Variants in KREMEN1 observed in about 807,000 individuals in gnomAD.
KREMEN1 encodes the protein kringle containing transmembrane protein 1.
KREMEN1 carries 30 observed loss-of-function variants against 46.5 expected under a neutral mutation model. The observed-to-expected ratio is 0.65, with a 90% CI of 0.48 to 0.88. The LOEUF (loss-of-function observed/expected upper bound fraction) is 0.88, where lower values mean the gene tolerates loss of function less well. Ranked by LOEUF, KREMEN1 falls within the 40% of genes least tolerant of loss-of-function variation. The pLI is 0.00. For missense variants in KREMEN1, 533 were observed against 596.9 expected (o/e 0.89, Z 1.11); for synonymous variants, 214 against 230.6 (o/e 0.93, Z 0.65).
Position 29,143,897 on chromosome 22 carries a change from T to C in KREMEN1, c.*1785T>C, listed in dbSNP as rs2038810754. The C allele has an allele frequency of 9.1e-6, 9 of 985,478 alleles. No individual in the cohort carries two copies. Among genetic ancestry groups the C allele is most frequent in the Non-Finnish European group, 1.1e-5 (9 of 829,984 alleles). 61.0% of individuals were successfully genotyped at this position (985,478 alleles called of 1,614,324 possible). ...AGATAGGGAGGTGGGCTGCAGAGATTGGTGCCAGAAGAGGGTGGGTTTGGG... is the reference window on the plus strand; with the variant it reads ...AGATAGGGAGGTGGGCTGCAGAGATCGGTGCCAGAAGAGGGTGGGTTTGGG... On this transcript the variant is annotated 3_prime_UTR_variant, in exon 9 of 9. Coordinates refer to ENST00000400335, the MANE Select transcript of KREMEN1 (RefSeq NM_001039570.3).
intron 3 of KREMEN1, among the ~76,000 whole-genome samples, chr22:29,102,390 A>T (rs1254282223): frequency 6.6e-6 from 1 of 152,246 alleles, no homozygotes; most frequent in Non-Finnish European, 1.5e-5. Context: ...TCAAATTTTT[A>T]AAATGAAAAA....
intron 1 of KREMEN1, among the ~76,000 whole-genome samples, chr22:29,078,482 GAA>G (rs770244857): frequency 4.5e-5 from 4 of 89,426 alleles, no homozygotes; most frequent in Non-Finnish European, 4.7e-5. Context: ...AAACAGCCAG[GAA>G]AAAAAAAAAA....
intron 4 of KREMEN1, chr22:29,125,047 T>A: frequency 1.8e-6 from 1 of 546,224 alleles, no homozygotes; most frequent in East Asian, 3.0e-5. Flanking sequence ...CATTAAAAAG[T>A]GATGCTCGCC....
chr22:29,136,584 A>G (rs2038661479), intron 5 of KREMEN1, among the ~76,000 whole-genome samples: 1 of 151,562 alleles, frequency 6.6e-6, no homozygotes. Context: ...CAAAAAAAAA[A>G]AAAAATAGAA....
At chr22:29,135,681 G>A (rs1188277925) in intron 5 of KREMEN1, among the ~76,000 whole-genome samples, 1 of 152,162 alleles carries the variant, frequency 6.6e-6, no homozygotes, top group African/African-American at 2.4e-5. Flanking sequence ...ACTCCCAGTT[G>A]CCCTAAGCTG....
chr22:29,157,156 G>A (rs1453218974), intron 9 of KREMEN1, among the ~76,000 whole-genome samples: 7 of 152,026 alleles, frequency 4.6e-5, no homozygotes, highest in East Asian at 3.9e-4. Context: ...CAGAGGAGCC[G>A]ACCTGTGGGG....
intron 4 of KREMEN1, among the ~76,000 whole-genome samples, chr22:29,124,947 A>C (rs763619857): frequency 2.6e-5 from 4 of 152,262 alleles, no homozygotes; most frequent in African/African-American, 9.6e-5. Context: ...CATAGTAAAC[A>C]GTCAATAAAA....
At chr22:29,124,110 A>C (rs1246370445) in intron 4 of KREMEN1, among the ~76,000 whole-genome samples, 2 of 152,190 alleles carry the variant, frequency 1.3e-5, no homozygotes, top group African/African-American at 4.8e-5. Context: ...TATTCACATA[A>C]AAATCAGTAC....
In KREMEN1 at chr22:29,125,335, G is replaced by A; in HGVS notation, c.550G>A (p.Ala184Thr). ...TGATTACTGGAAGTACGGGGAGGCAGCCAGTACCGAATGCAACAGCGTCTG... is the reference window on the plus strand; with the variant it reads ...TGATTACTGGAAGTACGGGGAGGCAACCAGTACCGAATGCAACAGCGTCTG... Reference protein sequence around the residue: ...NPDYWKYGEAASTECNSVCFG... With the variant: ...NPDYWKYGEATSTECNSVCFG... Residue 184 changes from alanine (A) to threonine (T), a missense_variant, in exon 5 of 9, where the codon GCC (alanine) becomes ACC (threonine). Ala to Thr is a moderately conservative substitution (Grantham distance 58). Transcript: ENST00000400335. The A allele has an allele frequency of 1.9e-6, 3 of 1,614,166 alleles. No individual in the cohort carries two copies. Among genetic ancestry groups the A allele is most frequent in the Non-Finnish European group, 2.5e-6 (3 of 1,179,996 alleles).
intron 1 of KREMEN1, among the ~76,000 whole-genome samples, chr22:29,087,000 T>C (rs532296091): frequency 6.6e-6 from 1 of 152,240 alleles, no homozygotes; most frequent in Non-Finnish European, 1.5e-5. Flanking sequence ...TGGGCTCAAG[T>C]GATCCTCTTG....
downstream of KREMEN1, among the ~76,000 whole-genome samples, chr22:29,150,558 A>G (rs974502624): frequency 6.6e-6 from 1 of 152,182 alleles, no homozygotes; most frequent in African/African-American, 2.4e-5. Context: ...AGGTCACTGA[A>G]CTTTTAAAAA....
chr22:29,131,540 A>C lies in KREMEN1; in HGVS notation c.632-5802A>C, dbSNP rs1255053217. ...ATTCTGTTCATATATATATATATAT[A>C]TATATATATATATATATATATGTGT... is the stretch of plus-strand genomic sequence containing the variant. On this transcript the variant is annotated intron_variant, in intron 5 of 8. Coordinates refer to ENST00000400335, the MANE Select transcript of KREMEN1 (RefSeq NM_001039570.3). 5.7e-3 allele frequency among the ~76,000 whole-genome samples: 332 copies of C among 57,824 alleles called. 6 individuals are homozygous for C. The highest frequency in any genetic ancestry group is 0.014 in the African/African-American group (158 of 11,290). 37.9% of individuals were successfully genotyped at this position (57,824 alleles called of 152,430 possible). A position where few individuals can be genotyped will look rare whatever the true frequency, so the allele number is the denominator to read the frequency against.
intron 5 of KREMEN1, among the ~76,000 whole-genome samples, chr22:29,127,117 C>A (rs562468107): frequency 2.0e-5 from 3 of 152,182 alleles, no homozygotes; most frequent in African/African-American, 7.2e-5. Flanking sequence ...TTCTTGAGTA[C>A]CTAGTATGCA....
chr22:29,132,299 A>G (rs1257578369), intron 5 of KREMEN1, among the ~76,000 whole-genome samples: 2 of 152,182 alleles, frequency 1.3e-5, no homozygotes, highest in Admixed American at 6.5e-5. Context: ...ATTGACAAAC[A>G]TTGGTCTGTC....
chr22:29,134,340 A>G (rs902584847), intron 5 of KREMEN1, among the ~76,000 whole-genome samples: 6 of 151,938 alleles, frequency 3.9e-5, no homozygotes, highest in Non-Finnish European at 5.9e-5. Flanking sequence ...AAATTTTTGT[A>G]GAGATGGGGT....
intron 2 of KREMEN1, 136 bp downstream of exon 2, chr22:29,094,556 T>C: frequency 1.7e-6 from 1 of 587,712 alleles, no homozygotes. Flanking sequence ...GTTTTAAAAA[T>C]ATTTCTTTCA....
At chr22:29,137,973 C>A (rs141537728) in intron 6 of KREMEN1, among the ~76,000 whole-genome samples, 1 of 152,324 alleles carries the variant, frequency 6.6e-6, no homozygotes, top group African/African-American at 2.4e-5. Flanking sequence ...CTAAAAGGAA[C>A]AGCTGAGACT....
intron 5 of KREMEN1, among the ~76,000 whole-genome samples, chr22:29,131,542 ATATATATATATATATATATGTGTGTG>A (rs1569331027): frequency 2.1e-5 from 1 of 46,668 alleles, no homozygotes; most frequent in African/African-American, 9.4e-5. Context: ...ATATATATAT[ATATATATATATATATATATGTGTGTG>A]TGTGTGTGTG....
intron 3 of KREMEN1, among the ~76,000 whole-genome samples, chr22:29,106,986 G>C (rs2038070367): frequency 6.6e-6 from 1 of 152,152 alleles, no homozygotes; most frequent in African/African-American, 2.4e-5. Flanking sequence ...GATCTGGGAA[G>C]CATTTGCTGC....
Sources: gnomAD v4.1 joint callset for allele counts (sites outside exome capture counted in the v4.1 genomes callset) on GRCh38, gnomAD v4.1.1 for gene constraint, MANE v1.5 for transcripts, NCBI Gene and HGNC (gene_info 2026-07-23, HGNC 2026-07-21) for gene names.